FILIP1: variants seen among roughly 807,000 people sequenced by gnomAD.
The protein encoded by FILIP1 is filamin-A-interacting protein 1.
Under a neutral mutation model 102.1 loss-of-function variants are expected in FILIP1, and 61 were observed. The ratio of observed to expected loss-of-function variants is 0.60; its 90% CI spans 0.49 to 0.74. FILIP1 has a LOEUF of 0.74. FILIP1 is among the 30% of genes least tolerant of loss of function. FILIP1 has a pLI of 0.00. For missense variants in FILIP1, 1,314 were observed against 1,441.2 expected, an observed-to-expected ratio of 0.91 and a Z score of 1.43; for synonymous variants, 491 against 526.9, an observed-to-expected ratio of 0.93 and a Z score of 0.93.
At chr6:75,368,387 T>C (rs1775410087) in intron 2 of FILIP1, among the ~76,000 whole-genome samples, 1 of 152,194 alleles carries the variant, frequency 6.6e-6, no homozygotes, top group Non-Finnish European at 1.5e-5. Flanking sequence ...GAGGGCCGAA[T>C]CCAATCACTC....
intron 1 of FILIP1, among the ~76,000 whole-genome samples, chr6:75,420,726 C>G (rs1777432631): frequency 6.6e-6 from 1 of 152,114 alleles, no homozygotes; most frequent in Non-Finnish European, 1.5e-5. Flanking sequence ...TCTGACTATT[C>G]CAACATGTGC....
At chr6:75,307,383 A>G (rs796640575), downstream of FILIP1, among the ~76,000 whole-genome samples, 5 of 152,326 alleles carry the variant, frequency 3.3e-5, no homozygotes, top group African/African-American at 1.2e-4. Context: ...TGCTATCCAT[A>G]TAATTTTGGA....
chr6:75,428,063 CAGA>C (rs1777689878), intron 1 of FILIP1, among the ~76,000 whole-genome samples: 2 of 152,140 alleles, frequency 1.3e-5, no homozygotes, highest in South Asian at 4.1e-4. Flanking sequence ...TAAGCCCTGG[CAGA>C]AGGAGGGGAA....
intron 1 of FILIP1, among the ~76,000 whole-genome samples, chr6:75,431,348 C>T (rs1227780852): frequency 6.6e-6 from 1 of 152,112 alleles, no homozygotes; most frequent in Non-Finnish European, 1.5e-5. Flanking sequence ...TAATTTAATA[C>T]TATCTTCTTA....
chr6:75,371,063 A>G (rs1040701753), intron 2 of FILIP1, among the ~76,000 whole-genome samples: 2 of 152,238 alleles, frequency 1.3e-5, no homozygotes, highest in African/African-American at 2.4e-5. Flanking sequence ...AAAAAAAGCT[A>G]TGTAATGTAT....
chr6:75,359,368 T>G (rs534058232), intron 3 of FILIP1, among the ~76,000 whole-genome samples: 29 of 152,180 alleles, frequency 1.9e-4, no homozygotes, highest in African/African-American at 7.0e-4. Context: ...ATGTAGTGTT[T>G]GAAGGAAAGA....
At chr6:75,358,965 G>T (rs1183384285) in intron 3 of FILIP1, among the ~76,000 whole-genome samples, 1 of 150,538 alleles carries the variant, frequency 6.6e-6, no homozygotes, top group Non-Finnish European at 1.5e-5. Flanking sequence ...CTCGTGATCT[G>T]ACAAAGTGCT....
At chr6:75,334,549 A>C (rs1774177968) in intron 4 of FILIP1, 2 of 152,224 alleles carry the variant, frequency 1.3e-5, no homozygotes. Context: ...CTTAGAAATG[A>C]GTTTACTGCC....
intron 1 of FILIP1, among the ~76,000 whole-genome samples, chr6:75,452,231 T>C (rs1778657774): frequency 2.6e-5 from 4 of 152,082 alleles, no homozygotes; most frequent in African/African-American, 9.7e-5. Context: ...TTACATTAGG[T>C]ATATCTCCTA....
chr6:75,311,131 T>A (rs1773168356), intron 5 of FILIP1, among the ~76,000 whole-genome samples: 1 of 152,156 alleles, frequency 6.6e-6, no homozygotes, highest in South Asian at 2.1e-4. Context: ...TTGCCACCAA[T>A]AAATGAAGAC....
Position 75,312,723 on chromosome 6 carries a change from G to C in FILIP1, c.3109C>G (p.Leu1037Val), listed in dbSNP as rs770441125. 2 of 1,614,072 alleles carry C rather than the reference G, an allele frequency of 1.2e-6. No individual in the cohort carries two copies. Among genetic ancestry groups the C allele is most frequent in the South Asian group, 1.1e-5 (1 of 91,094 alleles). Reference protein sequence around the residue: ...SQEMPMGRTILKVTPEKQTVP... With the variant: ...SQEMPMGRTIVKVTPEKQTVP... ...GTCTGTTTTTCTGGGGTGACTTTGA[G>C]GATTGTCCGTCCCATGGGCATTTCC... is the stretch of plus-strand genomic sequence containing the variant. The change falls in exon 5 of 6, where the codon CTC becomes GTC. Residue 1037 changes from leucine (L) to valine (V), a missense_variant. Coordinates refer to ENST00000237172, the MANE Select transcript of FILIP1 (RefSeq NM_015687.5).
chr6:75,372,621 A>AAAAGAAAGAAAGAAAG lies in FILIP1; in HGVS notation c.277-9720_277-9705dup, dbSNP rs760896137. Among the ~76,000 whole-genome samples the AAAAGAAAGAAAGAAAG allele has an allele frequency of 4.6e-3, 196 of 42,228 alleles. 6 individuals carry two copies. Among genetic ancestry groups the AAAAGAAAGAAAGAAAG allele is most frequent in the Admixed American group, 0.012 (33 of 2,822 alleles). The allele number at this position is 42,228 out of a possible 152,430, so 27.7% of individuals were successfully genotyped here. A position where few individuals can be genotyped will look rare whatever the true frequency, so the allele number is the denominator to read the frequency against. ...TATCAAGAAAAGAAAGAAAGAAAGA[A>AAAAGAAAGAAAGAAAG]AAAGAAAGAAAGAAAGAAAGAAAGA... On this transcript the variant is annotated intron_variant, in intron 2 of 5. Transcript: ENST00000237172.
chr6:75,490,166 A>G (rs911399960), intron 1 of FILIP1, among the ~76,000 whole-genome samples: 1 of 152,152 alleles, frequency 6.6e-6, no homozygotes, highest in African/African-American at 2.4e-5. Flanking sequence ...AGTAAAAATT[A>G]TAACCACAAG....
chr6:75,471,299 T>C (rs145250118), intron 1 of FILIP1, among the ~76,000 whole-genome samples: 1 of 151,590 alleles, frequency 6.6e-6, no homozygotes, highest in African/African-American at 2.4e-5. Flanking sequence ...TAAATAATAA[T>C]AAAGGATTAG....
At chr6:75,298,687 G>A (rs1355720170) in intron 6 of FILIP1, among the ~76,000 whole-genome samples, 1 of 152,072 alleles carries the variant, frequency 6.6e-6, no homozygotes, top group African/African-American at 2.4e-5. Context: ...GATGATGAGA[G>A]GGGTGGATCA....
At chr6:75,323,670 C>A (rs888079423) in intron 4 of FILIP1, among the ~76,000 whole-genome samples, 1 of 152,046 alleles carries the variant, frequency 6.6e-6, no homozygotes, top group Admixed American at 6.6e-5. Flanking sequence ...TCTTAAAAGC[C>A]CACCCTGCCA....
chr6:75,329,955 C>T (rs1015110746), intron 4 of FILIP1, among the ~76,000 whole-genome samples: 1 of 152,038 alleles, frequency 6.6e-6, no homozygotes, highest in Non-Finnish European at 1.5e-5. Context: ...GAATAAATTA[C>T]CTCATTTCCT....
intron 4 of FILIP1, among the ~76,000 whole-genome samples, chr6:75,315,515 T>C (rs1773414094): frequency 1.3e-5 from 2 of 152,360 alleles, no homozygotes; most frequent in Non-Finnish European, 2.9e-5. Flanking sequence ...CTTCCGAGTA[T>C]CTTTCTGCAT....
intron 1 of FILIP1, among the ~76,000 whole-genome samples, chr6:75,433,903 A>T (rs1319749053): frequency 6.6e-6 from 1 of 152,228 alleles, no homozygotes; most frequent in Admixed American, 6.5e-5. Flanking sequence ...AGCTTTCTAC[A>T]TATGGCTAGC....
Sources: gnomAD v4.1 joint callset for allele counts (sites outside exome capture counted in the v4.1 genomes callset) on GRCh38, gnomAD v4.1.1 for gene constraint, MANE v1.5 for transcripts, NCBI Gene and HGNC (gene_info 2026-07-23, HGNC 2026-07-21) for gene names.